The following ZNF362 variants were observed in gnomAD, a reference collection of about 807,000 sequenced individuals.
ZNF362 encodes rotund homolog.
A neutral mutation model predicts 42.9 loss-of-function variants in ZNF362; 11 were observed. The ratio of observed to expected loss-of-function variants is 0.26; its 90% CI spans 0.16 to 0.42. The LOEUF (loss-of-function observed/expected upper bound fraction) is 0.42, where lower values mean the gene tolerates loss of function less well. Ranked by LOEUF, ZNF362 falls within the 20% of genes least tolerant of loss-of-function variation. The pLI, the probability that ZNF362 is intolerant of heterozygous loss-of-function variation, is 1.00. For synonymous variants in ZNF362, 255 were observed against 257.3 expected (o/e 0.99, Z 0.09); for missense variants, 362 against 576.2 (o/e 0.63, Z 3.81).
At chr1:33,230,671 G>C in the ZNF362 span, among the ~76,000 whole-genome samples, 1 of 152,218 alleles carries the variant, frequency 6.6e-6, no homozygotes, top group Non-Finnish European at 1.5e-5. Flanking sequence ...TGCATCCTGC[G>C]GCTTGTGATT....
chr1:33,285,653 A>G (rs1051609882), intron 6 of ZNF362, among the ~76,000 whole-genome samples: 1 of 152,228 alleles, frequency 6.6e-6, no homozygotes, highest in Non-Finnish European at 1.5e-5. Flanking sequence ...TTATATGTTT[A>G]TGTATGTATA....
chr1:33,139,755 G>A, the ZNF362 span, among the ~76,000 whole-genome samples: 1 of 152,208 alleles, frequency 6.6e-6, no homozygotes, highest in Non-Finnish European at 1.5e-5. Flanking sequence ...GGCTGCTGGT[G>A]GGGAGGGCTG....
intron 1 of ZNF362, among the ~76,000 whole-genome samples, chr1:33,258,994 ACT>A (rs997154074): frequency 1.3e-5 from 2 of 151,914 alleles, no homozygotes; most frequent in Admixed American, 1.3e-4. Context: ...TAGGTTTTGG[ACT>A]CTCTAATTCT....
At chr1:33,217,780 T>A in the ZNF362 span, among the ~76,000 whole-genome samples, 8 of 150,870 alleles carry the variant, frequency 5.3e-5, no homozygotes, top group Non-Finnish European at 1.2e-4. Flanking sequence ...CTCCTTATGT[T>A]CACACACACA....
At chr1:33,274,458 T>A (rs1441643523) in intron 2 of ZNF362, among the ~76,000 whole-genome samples, 3 of 152,184 alleles carry the variant, frequency 2.0e-5, no homozygotes, top group Admixed American at 1.3e-4. Context: ...GTCCCAGGGG[T>A]CTGGAGCATT....
chr1:33,250,961 C>T, the ZNF362 span, among the ~76,000 whole-genome samples: 1 of 152,052 alleles, frequency 6.6e-6, no homozygotes, highest in African/African-American at 2.4e-5. Flanking sequence ...GTACACCCCT[C>T]CTCCTACAGA....
chr1:33,264,784 C>T (rs1645854305), intron 1 of ZNF362, among the ~76,000 whole-genome samples: 1 of 152,048 alleles, frequency 6.6e-6, no homozygotes. Context: ...AGGTTAGTTA[C>T]CTCTCTGAGC....
chr1:33,137,180 C>T, the ZNF362 span, among the ~76,000 whole-genome samples: 1 of 152,034 alleles, frequency 6.6e-6, no homozygotes, highest in South Asian at 2.1e-4. Flanking sequence ...AGAATGATCC[C>T]TACACCCATC....
At chr1:33,138,791 G>A in the ZNF362 span, among the ~76,000 whole-genome samples, 3 of 152,044 alleles carry the variant, frequency 2.0e-5, no homozygotes, top group Middle Eastern at 6.8e-3. Context: ...AAAATAAAAC[G>A]ACCCAGGAAA....
chr1:33,193,416 A>G, the ZNF362 span, among the ~76,000 whole-genome samples: 14 of 152,248 alleles, frequency 9.2e-5, no homozygotes, highest in Non-Finnish European at 2.1e-4. Context: ...CAGGGCACAC[A>G]GGACTTCTAT....
the ZNF362 span, chr1:33,160,065 G>T: frequency 7.7e-7 from 1 of 1,299,470 alleles, no homozygotes; most frequent in Non-Finnish European, 1.1e-6. Flanking sequence ...GGCACGCGTG[G>T]TGGGGGAAAT....
intron 6 of ZNF362, among the ~76,000 whole-genome samples, chr1:33,292,337 T>C (rs1646084515): frequency 6.6e-6 from 1 of 152,232 alleles, no homozygotes; most frequent in Admixed American, 6.5e-5. Flanking sequence ...ATGTGGTGTT[T>C]GTCGTTGGTT....
the ZNF362 span, among the ~76,000 whole-genome samples, chr1:33,158,059 C>A: frequency 6.6e-6 from 1 of 152,160 alleles, no homozygotes; most frequent in Non-Finnish European, 1.5e-5. Context: ...CCAGCCATCT[C>A]CTGGGGTGTT....
intron 6 of ZNF362, among the ~76,000 whole-genome samples, chr1:33,283,663 C>T (rs1029784302): frequency 6.6e-6 from 1 of 152,084 alleles, no homozygotes; most frequent in African/African-American, 2.4e-5. Flanking sequence ...TGATGTCACA[C>T]CACTGCACTC....
the ZNF362 span, among the ~76,000 whole-genome samples, chr1:33,141,705 AT>A: frequency 6.6e-6 from 1 of 152,220 alleles, no homozygotes; most frequent in Non-Finnish European, 1.5e-5. Flanking sequence ...TAATAGAAAT[AT>A]GATAGAACTG....
At chr1:33,129,009 G>T in the ZNF362 span, among the ~76,000 whole-genome samples, 1 of 152,172 alleles carries the variant, frequency 6.6e-6, no homozygotes, top group African/African-American at 2.4e-5. This position sits in a 1 kb window ranked among gnomAD's most constrained non-coding sequence, Gnocchi z 4.1. Flanking sequence ...AGCAGGTCTT[G>T]GTGAATGAGT....
chr1:33,286,689 C>T (rs1260586301), intron 6 of ZNF362, among the ~76,000 whole-genome samples: 2 of 152,152 alleles, frequency 1.3e-5, no homozygotes, highest in East Asian at 3.8e-4. Context: ...CCAGAACTCC[C>T]AGGATTCTTT....
chr1:33,188,706 T>C, the ZNF362 span, among the ~76,000 whole-genome samples: 6 of 152,218 alleles, frequency 3.9e-5, no homozygotes, highest in Admixed American at 6.5e-5. Flanking sequence ...AAGCCCATGC[T>C]GTTGGGCCAT....
At chr1:33,192,646 G>A in the ZNF362 span, among the ~76,000 whole-genome samples, 1 of 152,110 alleles carries the variant, frequency 6.6e-6, no homozygotes, top group Non-Finnish European at 1.5e-5. Context: ...CATATGAAGG[G>A]TAAGGGAACC....
Sources: allele counts gnomAD v4.1 joint callset (sites outside exome capture counted in the v4.1 genomes callset), GRCh38; gene constraint gnomAD v4.1.1; non-coding constraint Gnocchi (gnomAD v3.1); transcripts MANE v1.5; gene names NCBI Gene and HGNC (gene_info 2026-07-23, HGNC 2026-07-21).